IFRD1: variants seen among roughly 807,000 people sequenced by gnomAD.
IFRD1 encodes interferon related developmental regulator 1, also known as interferon-related developmental regulator 1.
A neutral mutation model predicts 52.9 loss-of-function variants in IFRD1; 35 were observed. The observed-to-expected ratio is 0.66, with a 90% confidence interval of 0.51 to 0.88. The LOEUF (loss-of-function observed/expected upper bound fraction) is 0.88. IFRD1 is among the 40% of genes least tolerant of loss of function. The probability of loss-of-function intolerance (pLI) is 0.00; values close to 1 mark genes in which losing one functional copy is unlikely to be tolerated. For synonymous variants in IFRD1, 184 were observed against 188.4 expected (o/e 0.98, Z 0.19); for missense variants, 517 against 550.8 (o/e 0.94, Z 0.61).
chr7:112,443,441 A>C (rs1005463385), intron 1 of IFRD1, among the ~76,000 whole-genome samples: 1 of 151,620 alleles, frequency 6.6e-6, no homozygotes, highest in Admixed American at 6.6e-5. Context: ...GCTGGGATAC[A>C]TGCGTCTGTA....
At chr7:112,459,459 A>T (rs888126615) in intron 5 of IFRD1, among the ~76,000 whole-genome samples, 1 of 152,146 alleles carries the variant, frequency 6.6e-6, no homozygotes, top group African/African-American at 2.4e-5. Flanking sequence ...ACTGTGTCAC[A>T]GAAAACAGAA....
intron 11 of IFRD1, among the ~76,000 whole-genome samples, 185 bp from the exon 12 acceptor site, chr7:112,475,245 A>T (rs1795869977): frequency 6.6e-6 from 1 of 152,180 alleles, no homozygotes; most frequent in Admixed American, 6.5e-5. Context: ...GGTGTGAGCC[A>T]CCTTGCATGG....
At chr7:112,439,572 T>C (rs1314056997) in intron 1 of IFRD1, among the ~76,000 whole-genome samples, 2 of 152,214 alleles carry the variant, frequency 1.3e-5, no homozygotes, top group Admixed American at 6.5e-5. Context: ...AAAAACCTCA[T>C]CTATGTTCTT....
intron 1 of IFRD1, among the ~76,000 whole-genome samples, chr7:112,424,080 G>A (rs1172492075): frequency 2.0e-5 from 3 of 152,160 alleles, no homozygotes; most frequent in Non-Finnish European, 2.9e-5. Context: ...TTTGGGGGCA[G>A]AAAGTAGGGG....
rs1463945290 is a variant in IFRD1, at chr7:112,475,714, A to G, written c.*195A>G. ...TATTAAATATTCTCTGTAAATCAGT[A>G]AACATGTATAAAGTATTTGTAATGT... On this transcript the variant is annotated 3_prime_UTR_variant, in exon 12 of 12. Coordinates refer to ENST00000403825, the MANE Select transcript of IFRD1 (RefSeq NM_001550.4). 9.3e-6 allele frequency: 5 copies of G among 540,122 alleles called. No homozygotes were observed. The highest frequency in any genetic ancestry group is 3.8e-5 in the African/African-American group (2 of 52,556). 33.5% of individuals were successfully genotyped at this position (540,122 alleles called of 1,614,324 possible).
intron 9 of IFRD1, among the ~76,000 whole-genome samples, chr7:112,471,989 T>A (rs1795760526): frequency 6.6e-6 from 1 of 152,234 alleles, no homozygotes; most frequent in Non-Finnish European, 1.5e-5. Flanking sequence ...TTTGCCTTAA[T>A]TGTTACTGAA....
chr7:112,464,081 G>C (rs556474879), intron 8 of IFRD1, among the ~76,000 whole-genome samples: 1 of 149,156 alleles, frequency 6.7e-6, no homozygotes, highest in Non-Finnish European at 1.5e-5. Flanking sequence ...TGTGGGTGCT[G>C]GTTGGGGGAT....
chr7:112,450,722 C>T lies in IFRD1; in HGVS notation c.34C>T (p.Arg12Cys). The change falls in exon 1 of 12, where the codon CGC (arginine) becomes TGC (cysteine). Residue 12 changes from arginine (R) to cysteine (C), a missense_variant. By Grantham distance (180) the Arg-to-Cys change is radical. Coordinates refer to ENST00000403825, the MANE Select transcript of IFRD1 (RefSeq NM_001550.4). Reference protein sequence around the residue: ...PKNKKRNTPHRGSSAGGGGSG... With the variant: ...PKNKKRNTPHCGSSAGGGGSG... ...GAACAAGAAGCGGAACACTCCCCAC[C>T]GCGGTAGCAGTGCTGGCGGCGGCGG... 2 of 1,612,922 alleles carry T rather than the reference C, an allele frequency of 1.2e-6. No individual in the cohort carries two copies. The highest frequency in any genetic ancestry group is 1.7e-6 in the Non-Finnish European group (2 of 1,179,908).
chr7:112,441,053 T>A (rs958548605), intron 1 of IFRD1, among the ~76,000 whole-genome samples: 10 of 152,060 alleles, frequency 6.6e-5, no homozygotes, highest in African/African-American at 2.4e-4. Flanking sequence ...GGAGGGTGGA[T>A]CATGAGGTCA....
intron 1 of IFRD1, among the ~76,000 whole-genome samples, chr7:112,424,676 A>T (rs1794391957): frequency 1.3e-5 from 2 of 151,986 alleles, no homozygotes; most frequent in African/African-American, 4.8e-5. Flanking sequence ...CAGCCTCCCA[A>T]AGTGCTGGGA....
intron 1 of IFRD1, among the ~76,000 whole-genome samples, chr7:112,438,949 G>C (rs531928598): frequency 6.6e-6 from 1 of 151,950 alleles, no homozygotes; most frequent in East Asian, 1.9e-4. Context: ...AAGATGTTTC[G>C]GTTAAAAAAA....
chr7:112,461,842 A>C (rs1206104575), intron 5 of IFRD1, 24 bp from the exon 6 acceptor site: 1 of 1,219,736 alleles, frequency 8.2e-7, no homozygotes, highest in Non-Finnish European at 1.2e-6. Context: ...ATTAATGTCT[A>C]TATATATATA....
chr7:112,464,458 C>T (rs562815298), intron 8 of IFRD1, among the ~76,000 whole-genome samples: 4 of 152,288 alleles, frequency 2.6e-5, no homozygotes, highest in East Asian at 3.9e-4. Flanking sequence ...TGCCTACCTT[C>T]GGATCTCTTT....
intron 1 of IFRD1, among the ~76,000 whole-genome samples, chr7:112,427,643 CT>C (rs1248368207): frequency 6.6e-6 from 1 of 152,160 alleles, no homozygotes; most frequent in East Asian, 1.9e-4. Context: ...ATTATTCTGT[CT>C]TCTGTGTTTA....
chr7:112,455,113 C>T (rs1458791882), intron 1 of IFRD1, among the ~76,000 whole-genome samples: 2 of 151,976 alleles, frequency 1.3e-5, no homozygotes, highest in Non-Finnish European at 2.9e-5. Flanking sequence ...ATCTGTCCGC[C>T]TCAGCCTCCC....
chr7:112,448,404 C>A (rs966726424), upstream of IFRD1, among the ~76,000 whole-genome samples: 8 of 152,342 alleles, frequency 5.3e-5, no homozygotes, highest in Middle Eastern at 3.4e-3. Context: ...GGTGATGTGA[C>A]TCCAGAGTGG....
intron 1 of IFRD1, among the ~76,000 whole-genome samples, chr7:112,436,661 G>A (rs1246818916): frequency 6.6e-6 from 1 of 151,890 alleles, no homozygotes; most frequent in Non-Finnish European, 1.5e-5. Context: ...GAGGAGGAGG[G>A]ATCAGTTCTA....
intron 4 of IFRD1, 77 bp from the exon 5 acceptor site, chr7:112,458,784 A>C: frequency 7.4e-7 from 1 of 1,356,214 alleles, no homozygotes; most frequent in Non-Finnish European, 1.1e-6. Context: ...GTCATTGATC[A>C]AATTTGGGAA....
At chr7:112,452,298 C>A in intron 1 of IFRD1, 1 of 291,120 alleles carries the variant, frequency 3.4e-6, no homozygotes, top group Non-Finnish European at 5.1e-6. Context: ...GTAGCTAGGA[C>A]TACAGGCATG....
Sources: allele counts gnomAD v4.1 joint callset (sites outside exome capture counted in the v4.1 genomes callset), GRCh38; gene constraint gnomAD v4.1.1; transcripts MANE v1.5; gene names NCBI Gene and HGNC (gene_info 2026-07-23, HGNC 2026-07-21).